ALK: variants seen among roughly 807,000 people sequenced by gnomAD.
ALK encodes the protein ALK receptor tyrosine kinase.
In ALK, 74 loss-of-function variants were observed where a neutral mutation model predicts 163.1. That is an observed-to-expected ratio of 0.45 (90% CI 0.38 to 0.55). The LOEUF is 0.55. ALK is among the 20% of genes least tolerant of loss of function. The pLI is 0.00. For synonymous variants in ALK, 960 were observed against 843.2 expected (o/e 1.14, Z -2.40); for missense variants, 2,063 against 2,105.3 (o/e 0.98, Z 0.39).
Position 29,753,091 on chromosome 2 carries a change from G to A in ALK, c.668-35394C>T, listed in dbSNP as rs138209274. On this transcript the variant is annotated intron_variant, in intron 1 of 28. Coordinates refer to ENST00000389048, the MANE Select transcript of ALK (RefSeq NM_004304.5). ...CTTTGAATGTCACACAGTTCTGCCCGTGGCAGAAACACACAGAAGGAGAAG... is the reference window on the plus strand; with the variant it reads ...CTTTGAATGTCACACAGTTCTGCCCATGGCAGAAACACACAGAAGGAGAAG... Among the ~76,000 whole-genome samples, 458 of 152,250 alleles carry A rather than the reference G, an allele frequency of 3.0e-3. 2 individuals are homozygous for A. The highest frequency in any genetic ancestry group is 5.2e-3 in the Admixed American group (79 of 15,292).
In ALK at chr2:29,275,254, G is replaced by T. The variant is rs375513874; in HGVS notation, c.1913-27C>A. 16 of 1,613,888 alleles carry T rather than the reference G, an allele frequency of 9.9e-6. No homozygotes were observed. In the African/African-American group the frequency reaches 2.1e-4, roughly 22 times the overall value. ...TGCAATAGAGAAGACCCCACGGGCT[G>T]AGTTAGGTGAGGGTTGATTTCAGGG... On this transcript the variant is annotated intron_variant, in intron 10 of 28. Coordinates refer to ENST00000389048, the MANE Select transcript of ALK (RefSeq NM_004304.5).
intron 4 of ALK, among the ~76,000 whole-genome samples, chr2:29,398,186 G>A (rs993788550): frequency 2.6e-5 from 4 of 152,112 alleles, no homozygotes; most frequent in Non-Finnish European, 5.9e-5. Flanking sequence ...ACAGGCCAGC[G>A]TTTCCTCCCA....
At chr2:29,751,986 A>G (rs1449426803) in intron 1 of ALK, among the ~76,000 whole-genome samples, 1 of 152,214 alleles carries the variant, frequency 6.6e-6, no homozygotes, top group Non-Finnish European at 1.5e-5. Flanking sequence ...AGGTAAGGAA[A>G]TAGAGGCTCA....
intron 4 of ALK, among the ~76,000 whole-genome samples, chr2:29,526,719 C>T (rs1334947141): frequency 1.3e-5 from 2 of 152,170 alleles, no homozygotes; most frequent in Admixed American, 1.3e-4. Flanking sequence ...GAACTTTTGA[C>T]CATGGAGGCT....
intron 1 of ALK, among the ~76,000 whole-genome samples, chr2:29,824,056 C>T (rs1473733400): frequency 6.6e-6 from 1 of 152,198 alleles, no homozygotes; most frequent in East Asian, 1.9e-4. Context: ...CCCTGCATCT[C>T]AGCCACTCCA....
At chr2:29,275,046 T>C in intron 11 of ALK, 53 bp downstream of exon 11, 1 of 1,612,180 alleles carries the variant, frequency 6.2e-7, no homozygotes, top group Non-Finnish European at 8.5e-7. Context: ...ATCTTTCTTC[T>C]GCCTTTTGCA....
intron 1 of ALK, among the ~76,000 whole-genome samples, chr2:29,808,709 G>T (rs1357846073): frequency 6.6e-6 from 1 of 152,176 alleles, no homozygotes; most frequent in African/African-American, 2.4e-5. Context: ...CCTTCTGGTG[G>T]CTGATCACTG....
At chr2:29,478,624 A>G (rs1332383219) in intron 4 of ALK, among the ~76,000 whole-genome samples, 1 of 152,248 alleles carries the variant, frequency 6.6e-6, no homozygotes, top group Non-Finnish European at 1.5e-5. Flanking sequence ...AGTCATACGC[A>G]TACGCAAGTC....
chr2:29,585,799 T>C (rs1326824578), intron 3 of ALK, among the ~76,000 whole-genome samples: 1 of 152,136 alleles, frequency 6.6e-6, no homozygotes, highest in Non-Finnish European at 1.5e-5. Context: ...GGTATTTTTT[T>C]CTATTATAAA....
chr2:29,456,811 T>C (rs1670967039), intron 4 of ALK, among the ~76,000 whole-genome samples: 1 of 152,202 alleles, frequency 6.6e-6, no homozygotes, highest in Non-Finnish European at 1.5e-5. Context: ...GTGAAATATC[T>C]AGAATAATGC....
At chr2:29,619,182 C>G (rs1675952890) in intron 3 of ALK, among the ~76,000 whole-genome samples, 1 of 152,142 alleles carries the variant, frequency 6.6e-6, no homozygotes, top group Non-Finnish European at 1.5e-5. Context: ...CAAGGGTGAT[C>G]TGTGACATTG....
intron 4 of ALK, among the ~76,000 whole-genome samples, chr2:29,411,367 T>C (rs915458256): frequency 4.6e-5 from 7 of 152,156 alleles, no homozygotes; most frequent in African/African-American, 1.4e-4. Flanking sequence ...TTGCTTTGTT[T>C]CCTCTCTTCA....
At position 29,918,277 on chromosome 2, in the gene ALK, A is replaced by G. The variant is rs548686073; in HGVS notation, c.667+1716T>C. On this transcript the variant is annotated intron_variant, in intron 1 of 28. Transcript: ENST00000389048. ...GGTCATTTGATAAAAGGTGATGGGG[A>G]AGCTCCACAGATGCTCAGAGGCATG... is the stretch of plus-strand genomic sequence containing the variant. 2.6e-5 allele frequency among the ~76,000 whole-genome samples: 4 copies of G among 152,302 alleles called. 1 individual carries two copies. The highest frequency in any genetic ancestry group is 9.6e-5 in the African/African-American group (4 of 41,560).
At chr2:29,427,656 A>G (rs1441706456) in intron 4 of ALK, among the ~76,000 whole-genome samples, 1 of 149,980 alleles carries the variant, frequency 6.7e-6, no homozygotes, top group East Asian at 1.9e-4. Flanking sequence ...AAGACATGAG[A>G]CATATAGAAA....
intron 15 of ALK, among the ~76,000 whole-genome samples, chr2:29,230,258 GTC>G (rs1231902656): frequency 6.6e-6 from 1 of 151,056 alleles, no homozygotes; most frequent in Non-Finnish European, 1.5e-5. Context: ...TAGGGAATAA[GTC>G]TGTACATGTT....
At chr2:29,441,264 G>A (rs1670535629) in intron 4 of ALK, among the ~76,000 whole-genome samples, 1 of 152,210 alleles carries the variant, frequency 6.6e-6, no homozygotes, top group Non-Finnish European at 1.5e-5. Flanking sequence ...GGAACTCAAA[G>A]GCAGAGTGCC....
At chr2:29,680,784 A>C (rs1678041130) in intron 3 of ALK, among the ~76,000 whole-genome samples, 2 of 152,102 alleles carry the variant, frequency 1.3e-5, no homozygotes, top group Non-Finnish European at 2.9e-5. Flanking sequence ...GTTAAAACTG[A>C]ACATTTTAGA....
chr2:29,677,463 C>G (rs981129493), intron 3 of ALK, among the ~76,000 whole-genome samples: 15 of 151,926 alleles, frequency 9.9e-5, no homozygotes, highest in African/African-American at 3.6e-4. Flanking sequence ...ACCTTCTATT[C>G]CTAGTACATA....
At chr2:29,811,412 C>T (rs1480820345) in intron 1 of ALK, among the ~76,000 whole-genome samples, 2 of 152,248 alleles carry the variant, frequency 1.3e-5, no homozygotes, top group Non-Finnish European at 2.9e-5. Context: ...ATTGGGTCAT[C>T]ATAATGTCAA....
Sources: gnomAD v4.1 joint callset for allele counts (sites outside exome capture counted in the v4.1 genomes callset) on GRCh38, gnomAD v4.1.1 for gene constraint, MANE v1.5 for transcripts, NCBI Gene and HGNC (gene_info 2026-07-23, HGNC 2026-07-21) for gene names.